Variants in MS4A7 observed in about 807,000 individuals in gnomAD.
MS4A7 encodes the protein membrane-spanning 4-domains subfamily A member 7.
MS4A7 carries 21 observed loss-of-function variants against 23.5 expected under a neutral mutation model. That is an observed-to-expected ratio of 0.89 (90% CI 0.63 to 1.29). The LOEUF (loss-of-function observed/expected upper bound fraction) is 1.29. Ranked by LOEUF, MS4A7 falls within the 50% of genes most tolerant of loss-of-function variation. The pLI, the probability that MS4A7 is intolerant of heterozygous loss-of-function variation, is 0.00. For missense variants in MS4A7, 263 were observed against 274.2 expected (o/e 0.96, Z 0.29); for synonymous variants, 111 against 107.4 (o/e 1.03, Z -0.21).
rs1183120218 is a variant in MS4A7, at chr11:60,385,238, A to G, written c.282+16A>G. 1 of 1,613,640 alleles carries G rather than the reference A, an allele frequency of 6.2e-7. No homozygotes were observed. On this transcript the variant is annotated intron_variant, in intron 3 of 6. Transcript: ENST00000300184. ...AGCTCTGTGTGTGAGTAGAATGGGGACTCTAAGAGGGGACATGCTTTATAA... is the reference window on the plus strand; with the variant it reads ...AGCTCTGTGTGTGAGTAGAATGGGGGCTCTAAGAGGGGACATGCTTTATAA...
intron 4 of MS4A7, chr11:60,389,186 C>T: frequency 1.8e-6 from 1 of 569,980 alleles, no homozygotes; most frequent in Non-Finnish European, 3.1e-6. Context: ...TTTTCTTATT[C>T]AATAAGCATT....
chr11:60,390,821 T>C (rs1440903327), intron 5 of MS4A7, among the ~76,000 whole-genome samples: 2 of 152,140 alleles, frequency 1.3e-5, no homozygotes, highest in Non-Finnish European at 2.9e-5. Context: ...CTTTGTTAAT[T>C]AACACAGCAA....
chr11:60,383,987 T>C (rs924744568), intron 2 of MS4A7, among the ~76,000 whole-genome samples: 3 of 152,228 alleles, frequency 2.0e-5, no homozygotes, highest in African/African-American at 7.2e-5. Context: ...TGACCCATTT[T>C]TCCCCGTTCA....
intron 5 of MS4A7, 36 bp from the exon 6 acceptor site, chr11:60,392,649 G>T (rs2233254): frequency 4.5e-6 from 7 of 1,552,344 alleles, no homozygotes; most frequent in Non-Finnish European, 6.2e-6. Flanking sequence ...GGGCTAGCTT[G>T]TCTTGGGTAC....
At chr11:60,389,832 C>T in intron 5 of MS4A7, 1 of 511,932 alleles carries the variant, frequency 2.0e-6, no homozygotes, top group Non-Finnish European at 3.6e-6. Flanking sequence ...TATCCCTCCA[C>T]TGGTCTTTCT....
chr11:60,380,592 T>C (rs1404218856), intron 1 of MS4A7, among the ~76,000 whole-genome samples: 1 of 152,164 alleles, frequency 6.6e-6, no homozygotes, highest in African/African-American at 2.4e-5. Context: ...AGTCCTTAGG[T>C]ATGAGATTCG....
At chr11:60,379,324 C>T (rs1183959886) in intron 1 of MS4A7, among the ~76,000 whole-genome samples, 1 of 152,108 alleles carries the variant, frequency 6.6e-6, no homozygotes, top group Non-Finnish European at 1.5e-5. Flanking sequence ...GGAGGTATCA[C>T]AAAAGTGCAA....
At position 60,383,263 on chromosome 11, in the gene MS4A7, T is replaced by A; in HGVS notation, c.122T>A (p.Leu41Gln). 1 of 1,614,186 alleles carries A rather than the reference T, an allele frequency of 6.2e-7. No homozygotes were observed. The highest frequency in any genetic ancestry group is 2.2e-5 in the East Asian group (1 of 44,882). ...YQNEDYLQNG[L>Q]PTETTVLGTV... Reference sequence around the variant, plus strand: ...AACGAAGATTACCTGCAGAACGGGCTGCCAACAGAAACCACCGTTCTTGGG... The same window carrying A: ...AACGAAGATTACCTGCAGAACGGGCAGCCAACAGAAACCACCGTTCTTGGG... The change falls in exon 2 of 7, where the codon CTG (leucine) becomes CAG (glutamine). Residue 41 changes from leucine to glutamine, a missense_variant. Leu to Gln is a moderately radical substitution (Grantham distance 113, BLOSUM62 -2). Coordinates refer to ENST00000300184, the MANE Select transcript of MS4A7 (RefSeq NM_021201.5).
At chr11:60,385,321 A>G (rs1308488948) in intron 3 of MS4A7, 99 bp downstream of exon 3, 2 of 1,362,722 alleles carry the variant, frequency 1.5e-6, no homozygotes, top group African/African-American at 2.9e-5. Context: ...CAGGAGGCAA[A>G]AGGCGGCAAG....
rs778878253 is a variant in MS4A7, at chr11:60,392,832, C to T, written c.648+46C>T. On this transcript the variant is annotated intron_variant, in intron 6 of 6. Transcript: ENST00000300184. Reference sequence around the variant, plus strand: ...CCTGATACCTGCTGTGTCTCAGGTCCAGGCTACAATAATCCAACCTCAAAA... The same window carrying T: ...CCTGATACCTGCTGTGTCTCAGGTCTAGGCTACAATAATCCAACCTCAAAA... 1.2e-5 allele frequency: 17 copies of T among 1,375,436 alleles called. No homozygotes were observed. In the African/African-American group the frequency reaches 1.7e-4, roughly 14 times the overall value. The allele number at this position is 1,375,436 out of a possible 1,614,324, so 85.2% of individuals were successfully genotyped here. A position where few individuals can be genotyped will look rare whatever the true frequency, so the allele number is the denominator to read the frequency against.
intron 4 of MS4A7, chr11:60,389,081 G>A (rs909037935): frequency 1.2e-4 from 32 of 260,370 alleles, no homozygotes; most frequent in Non-Finnish European, 2.0e-4. Flanking sequence ...CATGGGAGAT[G>A]TTGGCAGTGA....
chr11:60,392,883 T>C, intron 6 of MS4A7, 97 bp downstream of exon 6: 1 of 871,360 alleles, frequency 1.1e-6, no homozygotes, highest in Non-Finnish European at 1.9e-6. Context: ...AATCAATTAT[T>C]GTTCATGAGG....
Position 60,392,706 on chromosome 11 carries a change from A to G in MS4A7, c.568A>G (p.Ile190Val), listed in dbSNP as rs2135109825. Residue 190 changes from isoleucine to valine, a missense_variant, in exon 6 of 7, where the codon ATC (isoleucine) becomes GTC (valine). Physicochemically the swap from Ile to Val is conservative, Grantham distance 29. Coordinates refer to ENST00000300184, the MANE Select transcript of MS4A7 (RefSeq NM_021201.5). The part of the protein sequence containing the change: ...SLTGVLVVML[I>V]FTVLELLLAA... ...GCAGGGTGTCCTAGTGGTGATGCTC[A>G]TCTTCACTGTGCTGGAGCTCTTATT... 6.2e-7 allele frequency: 1 copy of G among 1,613,806 alleles called. No homozygotes were observed.
intron 3 of MS4A7, among the ~76,000 whole-genome samples, chr11:60,385,484 A>G (rs1474449934): frequency 1.3e-5 from 2 of 152,264 alleles, no homozygotes; most frequent in Non-Finnish European, 2.9e-5. Context: ...ACCTGGCATT[A>G]CAGCATACCT....
intron 5 of MS4A7, 23 bp downstream of exon 5, chr11:60,389,619 T>G: frequency 6.3e-7 from 1 of 1,596,908 alleles, no homozygotes; most frequent in Non-Finnish European, 8.6e-7. Context: ...AGACTGAATA[T>G]CCTGTCATGT....
chr11:60,379,962 A>C (rs115684096), intron 1 of MS4A7, among the ~76,000 whole-genome samples: 132 of 152,354 alleles, frequency 8.7e-4, no homozygotes, highest in Middle Eastern at 6.8e-3. Flanking sequence ...ATTAAACAAT[A>C]GCTTTCCATT....
At position 60,386,536 on chromosome 11, in the gene MS4A7, T is replaced by C. The variant is rs1000866317; in HGVS notation, c.283-181T>C. ...ATCTGCATGTCATTCAAAGTCAATA[T>C]AGACATTCTTATATCAGGTGGGAAT... On this transcript the variant is annotated intron_variant, in intron 3 of 6. Coordinates refer to ENST00000300184, the MANE Select transcript of MS4A7 (RefSeq NM_021201.5). The C allele has an allele frequency of 1.9e-5, 10 of 520,826 alleles. No homozygotes were observed. In the African/African-American group the frequency reaches 2.0e-4, roughly 10 times the overall value. 32.3% of individuals were successfully genotyped at this position (520,826 alleles called of 1,614,324 possible). A position where few individuals can be genotyped will look rare whatever the true frequency, so the allele number is the denominator to read the frequency against.
intron 1 of MS4A7, 65 bp from the exon 2 acceptor site, chr11:60,383,064 C>T (rs2085447037): frequency 1.9e-6 from 3 of 1,539,930 alleles, no homozygotes; most frequent in Admixed American, 1.8e-5. Flanking sequence ...AAAGTATGGT[C>T]CCTGGGAAGT....
intron 1 of MS4A7, among the ~76,000 whole-genome samples, chr11:60,379,531 T>C (rs1002798966): frequency 5.1e-5 from 7 of 136,052 alleles, no homozygotes; most frequent in Non-Finnish European, 1.0e-4. Flanking sequence ...TTGTTTTTTG[T>C]TTGTTTGTTT....
Sources: allele counts gnomAD v4.1 joint callset (sites outside exome capture counted in the v4.1 genomes callset), GRCh38; gene constraint gnomAD v4.1.1; transcripts MANE v1.5; gene names NCBI Gene and HGNC (gene_info 2026-07-23, HGNC 2026-07-21).